The following LRTM3 variants were observed in gnomAD, a reference collection of about 807,000 sequenced individuals.
LRTM3 encodes leucine rich repeat transmembrane protein 3, also known as leucine-rich repeat transmembrane protein 3.
the LRTM3 span, chr13:102,749,201 G>A: frequency 4.5e-6 from 7 of 1,550,310 alleles, no homozygotes; most frequent in Non-Finnish European, 6.1e-6. Context: ...TGAAGTTGGT[G>A]TTTTTTTGGC....
At chr13:102,747,450 C>T in the LRTM3 span, 1 of 1,548,510 alleles carries the variant, frequency 6.5e-7, no homozygotes, top group Non-Finnish European at 8.7e-7. Flanking sequence ...ACACTGAGTA[C>T]ACTTTTTGTT....
chr13:102,755,680 G>C, the LRTM3 span, among the ~76,000 whole-genome samples: 1 of 151,610 alleles, frequency 6.6e-6, no homozygotes, highest in African/African-American at 2.4e-5. Flanking sequence ...GAAACTTAGA[G>C]GACAGGTCAA....
chr13:102,734,738 G>A, the LRTM3 span: 1 of 1,551,068 alleles, frequency 6.4e-7, no homozygotes, highest in Admixed American at 2.0e-5. Flanking sequence ...ACCTAAATGT[G>A]TTTCTTTATC....
chr13:102,739,862 A>T, the LRTM3 span: 1 of 1,550,150 alleles, frequency 6.5e-7, no homozygotes, highest in Admixed American at 2.0e-5. Context: ...TCTATGTTTC[A>T]CATTGACCAT....
the LRTM3 span, chr13:102,749,316 C>T: frequency 6.4e-7 from 1 of 1,551,278 alleles, no homozygotes; most frequent in South Asian, 1.2e-5. Flanking sequence ...GAGCTATATA[C>T]AGAATCCTGG....
chr13:102,740,745 T>C, the LRTM3 span: 4 of 1,548,814 alleles, frequency 2.6e-6, no homozygotes, highest in Non-Finnish European at 3.5e-6. Flanking sequence ...TATGTATATT[T>C]TTCTTCCTTT....
the LRTM3 span, chr13:102,731,509 A>G: frequency 6.4e-7 from 1 of 1,551,186 alleles, no homozygotes; most frequent in South Asian, 1.2e-5. Flanking sequence ...GCGTTTTGGG[A>G]TATATTGCTG....
the LRTM3 span, chr13:102,731,906 A>C: frequency 6.5e-7 from 1 of 1,549,524 alleles, no homozygotes; most frequent in Non-Finnish European, 8.7e-7. Context: ...TTCCTGCTCG[A>C]TGATACGTAA....
the LRTM3 span, chr13:102,742,000 T>C: frequency 1.3e-6 from 2 of 1,550,638 alleles, no homozygotes; most frequent in East Asian, 4.9e-5. Flanking sequence ...CAGTACAACC[T>C]GACAATGACC....
the LRTM3 span, chr13:102,729,690 T>A: frequency 6.4e-7 from 1 of 1,551,922 alleles, no homozygotes; most frequent in Non-Finnish European, 8.7e-7. Context: ...TAGAAGTTGA[T>A]ATCGTCATGA....
chr13:102,741,496 T>A, the LRTM3 span: 1 of 1,549,300 alleles, frequency 6.5e-7, no homozygotes, highest in South Asian at 1.2e-5. Context: ...CTTTTCCCAA[T>A]ACATGTGAAC....
At chr13:102,738,426 T>C in the LRTM3 span, 14 of 1,550,754 alleles carry the variant, frequency 9.0e-6, no homozygotes, top group Non-Finnish European at 1.7e-6. Flanking sequence ...GGAGAAGGAA[T>C]GGAAGCGCAG....
the LRTM3 span, chr13:102,736,708 T>C: frequency 6.4e-7 from 1 of 1,550,490 alleles, no homozygotes; most frequent in South Asian, 1.2e-5. Context: ...TTGTTTTTAG[T>C]ATATGGGAAA....
chr13:102,741,579 T>TTTGG, the LRTM3 span: 1 of 1,550,280 alleles, frequency 6.5e-7, no homozygotes, highest in Non-Finnish European at 8.7e-7. Flanking sequence ...AGAGGTTCCA[T>TTTGG]AATGGGGCAG....
the LRTM3 span, among the ~76,000 whole-genome samples, chr13:102,758,246 A>C: frequency 2.6e-5 from 4 of 152,252 alleles, no homozygotes; most frequent in Admixed American, 2.6e-4. Context: ...TCCTTAACAC[A>C]GCTTGGAGCA....
chr13:102,736,453 C>G, the LRTM3 span: 10 of 1,550,862 alleles, frequency 6.4e-6, no homozygotes, highest in Non-Finnish European at 8.7e-6. Context: ...GTTTCTCTTT[C>G]TTTACAAGGC....
At chr13:102,743,953 T>C in the LRTM3 span, 1 of 1,550,536 alleles carries the variant, frequency 6.4e-7, no homozygotes. Flanking sequence ...CCTTTTCCTC[T>C]GTAATATGAC....
At chr13:102,756,566 A>G in the LRTM3 span, among the ~76,000 whole-genome samples, 31 of 148,086 alleles carry the variant, frequency 2.1e-4, no homozygotes, top group African/African-American at 7.4e-4. Context: ...CCCAGCTTCT[A>G]TGGAGGCTGA....
chr13:102,744,822 C>T, the LRTM3 span: 1 of 1,550,732 alleles, frequency 6.4e-7, no homozygotes, highest in South Asian at 1.2e-5. Flanking sequence ...TGTGCCTCCC[C>T]ACCATGTGGT....
Sources: allele counts gnomAD v4.1 joint callset (sites outside exome capture counted in the v4.1 genomes callset), GRCh38; gene constraint gnomAD v4.1.1; transcripts MANE v1.5; gene names NCBI Gene and HGNC (gene_info 2026-07-23, HGNC 2026-07-21).